The following AGBL1 variants were observed in gnomAD, a reference collection of about 807,000 sequenced individuals.
The protein encoded by AGBL1 is AGBL carboxypeptidase 1.
A neutral mutation model predicts 118.9 loss-of-function variants in AGBL1; 130 were observed. The ratio of observed to expected loss-of-function variants is 1.09; its 90% CI spans 0.95 to 1.26. The LOEUF (loss-of-function observed/expected upper bound fraction) is 1.26. Among genes scored for constraint, AGBL1 ranks in the 50% most tolerant of loss-of-function variants. AGBL1 has a pLI of 0.00. For missense variants in AGBL1, 1,584 were observed against 1,298.1 expected (o/e 1.22, Z -3.38); for synonymous variants, 555 against 478.9 (o/e 1.16, Z -2.08).
chr15:86,215,827 G>A (rs188365531), intron 5 of AGBL1, among the ~76,000 whole-genome samples: 5 of 152,262 alleles, frequency 3.3e-5, no homozygotes, highest in South Asian at 2.1e-4. Context: ...CAGTTTGAAC[G>A]GGTCCTAGAG....
intron 24 of AGBL1, among the ~76,000 whole-genome samples, chr15:86,990,564 T>C (rs535997331): frequency 1.3e-5 from 2 of 152,240 alleles, no homozygotes; most frequent in East Asian, 1.9e-4. Context: ...GGAATATCCA[T>C]ACTGACAGCA....
chr15:86,127,061 C>G (rs1297765765), intron 1 of AGBL1, among the ~76,000 whole-genome samples: 1 of 152,148 alleles, frequency 6.6e-6, no homozygotes, highest in Non-Finnish European at 1.5e-5. Flanking sequence ...GGTAATCTCT[C>G]TTCATAGAAA....
chr15:86,134,129 G>A (rs1025777447), intron 1 of AGBL1, among the ~76,000 whole-genome samples: 1 of 152,140 alleles, frequency 6.6e-6, no homozygotes, highest in Non-Finnish European at 1.5e-5. Flanking sequence ...GACAGAGAGC[G>A]GCTGGTCACT....
At chr15:86,961,457 C>G (rs565627942) in intron 23 of AGBL1, among the ~76,000 whole-genome samples, 3 of 152,066 alleles carry the variant, frequency 2.0e-5, no homozygotes, top group Admixed American at 6.6e-5. Context: ...GCACCAGATT[C>G]AAGGGTCTGA....
At chr15:86,517,599 AT>A (rs2083136953) in intron 18 of AGBL1, among the ~76,000 whole-genome samples, 1 of 152,024 alleles carries the variant, frequency 6.6e-6, no homozygotes, top group African/African-American at 2.4e-5. Context: ...CTGGTAACCC[AT>A]TTCTGGGTTC....
intron 17 of AGBL1, among the ~76,000 whole-genome samples, chr15:86,372,585 T>C (rs554357033): frequency 6.6e-6 from 1 of 152,384 alleles, no homozygotes; most frequent in South Asian, 2.1e-4. Context: ...TTTGCATAAA[T>C]GCAAATATAT....
At chr15:86,304,641 C>T (rs901546119) in intron 17 of AGBL1, among the ~76,000 whole-genome samples, 1 of 152,158 alleles carries the variant, frequency 6.6e-6, no homozygotes, top group Non-Finnish European at 1.5e-5. Context: ...CCATGTAGGA[C>T]CTTTAACCTC....
At chr15:86,767,575 A>G (rs540440953) in intron 22 of AGBL1, among the ~76,000 whole-genome samples, 1 of 152,126 alleles carries the variant, frequency 6.6e-6, no homozygotes, top group South Asian at 2.1e-4. Flanking sequence ...AGGAAATAAT[A>G]TAGCATTTAT....
intron 22 of AGBL1, among the ~76,000 whole-genome samples, chr15:86,777,614 A>C (rs887184263): frequency 3.3e-5 from 5 of 152,154 alleles, no homozygotes; most frequent in African/African-American, 1.2e-4. Flanking sequence ...ATCCATGTAG[A>C]TATATCTGTT....
At position 86,990,063 on chromosome 15, in the gene AGBL1, G is replaced by C. The variant is rs375458830; in HGVS notation, c.3323+1975G>C. 1.6e-4 allele frequency among the ~76,000 whole-genome samples: 25 copies of C among 152,334 alleles called. 1 individual carries two copies. The East Asian group carries it at 2.3e-3, about 14-fold the overall frequency. Reference sequence around the variant, plus strand: ...AACTTTGGAGTTTTATTCTGAAGCAGATAAAACTCTGGAGAGTGTGACTTA... The same window carrying C: ...AACTTTGGAGTTTTATTCTGAAGCACATAAAACTCTGGAGAGTGTGACTTA... On this transcript the variant is annotated intron_variant, in intron 24 of 24. Transcript: ENST00000441037.
chr15:86,641,857 CA>C, intron 21 of AGBL1, among the ~76,000 whole-genome samples: 1 of 152,296 alleles, frequency 6.6e-6, no homozygotes, highest in Admixed American at 6.5e-5. Context: ...ACCTAAACAA[CA>C]AGCATTCATT....
chr15:86,633,113 CAAAG>C (rs145840280), intron 21 of AGBL1, among the ~76,000 whole-genome samples: 1,830 of 151,964 alleles, frequency 0.012, 46 homozygotes, highest in African/African-American at 0.041. Flanking sequence ...ACAATAAAGA[CAAAG>C]AAAGTATCTT....
chr15:86,435,304 G>T (rs1295608758), intron 18 of AGBL1, among the ~76,000 whole-genome samples: 1 of 152,152 alleles, frequency 6.6e-6, no homozygotes, highest in Non-Finnish European at 1.5e-5. Flanking sequence ...GGCAGTTGGG[G>T]GTGACTGAGA....
intron 24 of AGBL1, among the ~76,000 whole-genome samples, chr15:87,005,518 C>T (rs189315020): frequency 1.6e-4 from 24 of 152,252 alleles, no homozygotes; most frequent in African/African-American, 5.1e-4. Context: ...ACATAGTTCT[C>T]GTGTCATGGT....
At chr15:86,471,061 C>T (rs561509058) in intron 18 of AGBL1, among the ~76,000 whole-genome samples, 7 of 152,048 alleles carry the variant, frequency 4.6e-5, no homozygotes, top group Non-Finnish European at 7.4e-5. Flanking sequence ...CAGTACTATA[C>T]TGAATAGGAG....
chr15:86,592,367 G>C (rs1162703885), intron 21 of AGBL1, among the ~76,000 whole-genome samples: 2 of 152,238 alleles, frequency 1.3e-5, no homozygotes, highest in South Asian at 2.1e-4. Context: ...GAGCAGGAGT[G>C]AAAGTTTATT....
At chr15:86,526,544 G>GTATGTATA (rs1555422467) in intron 19 of AGBL1, among the ~76,000 whole-genome samples, 1 of 119,452 alleles carries the variant, frequency 8.4e-6, no homozygotes, top group Non-Finnish European at 1.7e-5. Flanking sequence ...TTGTGTCTGT[G>GTATGTATA]TATATATATA....
At chr15:86,700,483 ACACACAC>A (rs1166561492) in intron 22 of AGBL1, among the ~76,000 whole-genome samples, 157 of 112,394 alleles carry the variant, frequency 1.4e-3, no homozygotes, top group African/African-American at 5.5e-3. Context: ...ACACACACAC[ACACACAC>A]ACACACACAC....
chr15:86,949,564 C>T (rs1255132131), intron 23 of AGBL1, among the ~76,000 whole-genome samples: 1 of 151,836 alleles, frequency 6.6e-6, no homozygotes, highest in East Asian at 1.9e-4. Context: ...ATAAAGTAGA[C>T]TCTGAGACAA....
Sources: allele counts gnomAD v4.1 joint callset (sites outside exome capture counted in the v4.1 genomes callset), GRCh38; gene constraint gnomAD v4.1.1; transcripts MANE v1.5; gene names NCBI Gene and HGNC (gene_info 2026-07-23, HGNC 2026-07-21).